AUTS2: variants seen among roughly 807,000 people sequenced by gnomAD.
The protein encoded by AUTS2 is autism susceptibility gene 2 protein.
Under a neutral mutation model 112.4 loss-of-function variants are expected in AUTS2, and 17 were observed. The observed-to-expected ratio is 0.15, with a 90% CI of 0.10 to 0.23. AUTS2 has a LOEUF of 0.23. Among genes scored for constraint, AUTS2 ranks in the 10% least tolerant of loss-of-function variants. The pLI, the probability that AUTS2 is intolerant of heterozygous loss-of-function variation, is 1.00. For synonymous variants in AUTS2, 751 were observed against 702.7 expected (o/e 1.07, Z -1.09); for missense variants, 1,510 against 1,701.6 (o/e 0.89, Z 1.98).
intron 2 of AUTS2, among the ~76,000 whole-genome samples, chr7:69,939,053 T>TA (rs1796524466): frequency 6.6e-6 from 1 of 152,226 alleles, no homozygotes; most frequent in Non-Finnish European, 1.5e-5. Flanking sequence ...AATGATATCT[T>TA]AGACCATATT....
intron 1 of AUTS2, among the ~76,000 whole-genome samples, chr7:69,680,906 G>A (rs1310133551): frequency 6.6e-6 from 1 of 152,194 alleles, no homozygotes; most frequent in Non-Finnish European, 1.5e-5. Context: ...CTGACCTCAA[G>A]TAATCCGCCA....
At chr7:70,066,842 C>T (rs1174786544) in intron 2 of AUTS2, among the ~76,000 whole-genome samples, 1 of 152,060 alleles carries the variant, frequency 6.6e-6, no homozygotes, top group East Asian at 1.9e-4. Context: ...TCCTGGCCCC[C>T]AGTAAATAAT....
intron 1 of AUTS2, among the ~76,000 whole-genome samples, chr7:69,819,879 C>CT (rs1386988191): frequency 6.6e-6 from 1 of 152,140 alleles, no homozygotes; most frequent in Non-Finnish European, 1.5e-5. Flanking sequence ...GAATACAGGC[C>CT]TGAGCCACTG....
chr7:70,142,595 A>G (rs959683233), intron 4 of AUTS2, among the ~76,000 whole-genome samples: 1 of 152,190 alleles, frequency 6.6e-6, no homozygotes, highest in Non-Finnish European at 1.5e-5. Flanking sequence ...TTCATAATGA[A>G]TAATGTTTTA....
In AUTS2 at chr7:70,765,014, G is replaced by T; in HGVS notation, c.1468+9G>T. On this transcript the variant is annotated intron_variant, in intron 8 of 18. Coordinates refer to ENST00000342771, the MANE Select transcript of AUTS2 (RefSeq NM_015570.4). Reference sequence around the variant, plus strand: ...CGGGAGCACTTACTCAGGTAGGACGGAGGGGCCTGTGCTCGTGACCCCGAC... The same window carrying T: ...CGGGAGCACTTACTCAGGTAGGACGTAGGGGCCTGTGCTCGTGACCCCGAC... 3 of 1,613,684 alleles carry T rather than the reference G, an allele frequency of 1.9e-6. No individual in the cohort carries two copies. Among genetic ancestry groups the T allele is most frequent in the Non-Finnish European group, 2.5e-6 (3 of 1,179,914 alleles).
chr7:70,404,615 G>A (rs1221838584), intron 4 of AUTS2, among the ~76,000 whole-genome samples: 6 of 152,116 alleles, frequency 3.9e-5, no homozygotes, highest in African/African-American at 1.4e-4. Context: ...GAGTTACTTG[G>A]CTTTGCTACC....
intron 1 of AUTS2, among the ~76,000 whole-genome samples, chr7:69,869,926 T>C (rs1045052866): frequency 1.2e-4 from 19 of 152,286 alleles, no homozygotes; most frequent in African/African-American, 4.6e-4. Flanking sequence ...ACTGTATCTT[T>C]GGAGATATAA....
intron 4 of AUTS2, among the ~76,000 whole-genome samples, chr7:70,337,702 A>ATTC (rs1413105053): frequency 6.6e-6 from 1 of 152,186 alleles, no homozygotes; most frequent in Non-Finnish European, 1.5e-5. Context: ...CTGTGGCACT[A>ATTC]TTCTTCTTTT....
intron 4 of AUTS2, among the ~76,000 whole-genome samples, chr7:70,224,727 C>T (rs1382090312): frequency 1.3e-5 from 2 of 152,146 alleles, no homozygotes; most frequent in Non-Finnish European, 2.9e-5. Context: ...CCTGTAAGCT[C>T]CATTCATGGT....
intron 1 of AUTS2, among the ~76,000 whole-genome samples, chr7:69,779,712 C>T (rs1036176755): frequency 3.4e-5 from 5 of 146,016 alleles, no homozygotes; most frequent in Non-Finnish European, 4.5e-5. Context: ...GCAGTGAGCC[C>T]GAGATTGCTC....
At position 70,790,504 on chromosome 7, in the gene AUTS2, A is replaced by G. The variant is rs769742858; in HGVS notation, c.3288A>G (p.Leu1096=). 5 of 1,612,252 alleles carry G rather than the reference A, an allele frequency of 3.1e-6. No homozygotes were observed. The South Asian group carries it at 4.4e-5, about 14-fold the overall frequency. ...RRDPLGRDFL[L]RNDPLHRLST... ...ACCCGCTGGGCAGGGACTTCCTGCT[A>G]AGGAACGACCCGCTCCACCGGCTCT... The change falls in exon 19 of 19, where the codon CTA becomes CTG. Residue 1096 remains leucine (L), a synonymous_variant. Transcript: ENST00000342771. The surrounding 1 kb of genome is among the most constrained non-coding windows in gnomAD (Gnocchi z 7.6).
chr7:70,255,075 T>TTTG (rs1491246865), intron 4 of AUTS2, among the ~76,000 whole-genome samples: 1 of 80,210 alleles, frequency 1.2e-5, no homozygotes, highest in African/African-American at 5.0e-5. Context: ...CAAAATTACC[T>TTTG]TTTTTTTTTT....
chr7:69,710,063 C>T (rs751169730), intron 1 of AUTS2, among the ~76,000 whole-genome samples: 1 of 152,084 alleles, frequency 6.6e-6, no homozygotes, highest in Non-Finnish European at 1.5e-5. Flanking sequence ...TGATGGCCAG[C>T]CCTCTAAATT....
intron 6 of AUTS2, among the ~76,000 whole-genome samples, chr7:70,730,371 C>A (rs115233785): frequency 6.6e-6 from 1 of 152,224 alleles, no homozygotes; most frequent in African/African-American, 2.4e-5. Context: ...AGGACATTTT[C>A]ATTCCCCCAA....
At chr7:70,716,359 C>T (rs1341303952) in intron 6 of AUTS2, among the ~76,000 whole-genome samples, 1 of 152,124 alleles carries the variant, frequency 6.6e-6, no homozygotes, top group Non-Finnish European at 1.5e-5. Flanking sequence ...AAAGGCCGGG[C>T]ACAGTGGCTC....
intron 2 of AUTS2, among the ~76,000 whole-genome samples, chr7:70,077,708 G>A (rs1027251182): frequency 2.6e-4 from 40 of 152,118 alleles, no homozygotes; most frequent in African/African-American, 8.2e-4. Context: ...TTCTGTCTGT[G>A]GTACACCACA....
At chr7:70,207,900 A>G (rs1810650336) in intron 4 of AUTS2, among the ~76,000 whole-genome samples, 1 of 151,120 alleles carries the variant, frequency 6.6e-6, no homozygotes, top group Non-Finnish European at 1.5e-5. Context: ...AATCCCAGAT[A>G]CTTGGGAGGC....
intron 4 of AUTS2, among the ~76,000 whole-genome samples, chr7:70,259,195 C>G (rs984122218): frequency 2.6e-5 from 4 of 152,116 alleles, no homozygotes; most frequent in African/African-American, 9.7e-5. Flanking sequence ...CTGCAGCTGT[C>G]ACAGAGCCTT....
At chr7:70,096,967 C>T (rs1390524185) in intron 2 of AUTS2, among the ~76,000 whole-genome samples, 1 of 152,180 alleles carries the variant, frequency 6.6e-6, no homozygotes, top group Non-Finnish European at 1.5e-5. Context: ...ATCTTACGTT[C>T]TCTTTTTGCT....
Sources: gnomAD v4.1 joint callset for allele counts (sites outside exome capture counted in the v4.1 genomes callset) on GRCh38, gnomAD v4.1.1 for gene constraint, Gnocchi (gnomAD v3.1) non-coding constraint, MANE v1.5 for transcripts, NCBI Gene and HGNC (gene_info 2026-07-23, HGNC 2026-07-21) for gene names.